Variants in PIGK observed in about 807,000 individuals in gnomAD.
PIGK encodes phosphatidylinositol glycan anchor biosynthesis class K, also known as GPI-anchor transamidase.
A neutral mutation model predicts 50.6 loss-of-function variants in PIGK; 42 were observed. That is an observed-to-expected ratio of 0.83 (90% CI 0.65 to 1.07). The LOEUF (loss-of-function observed/expected upper bound fraction) is 1.07, where lower values mean the gene tolerates loss of function less well. Among genes scored for constraint, PIGK ranks in the 50% least tolerant of loss-of-function variants. PIGK has a pLI of 0.00. For synonymous variants in PIGK, 151 were observed against 156.0 expected (o/e 0.97, Z 0.24); for missense variants, 448 against 488.7 (o/e 0.92, Z 0.78).
intron 3 of PIGK, among the ~76,000 whole-genome samples, chr1:77,201,692 G>A (rs1039407560): frequency 1.3e-5 from 2 of 152,106 alleles, no homozygotes; most frequent in Non-Finnish European, 2.9e-5. Context: ...AGTGAGCCAA[G>A]GTTGCTCCAC....
At chr1:77,204,729 G>C (rs981968412) in intron 3 of PIGK, among the ~76,000 whole-genome samples, 1 of 152,124 alleles carries the variant, frequency 6.6e-6, no homozygotes, top group Admixed American at 6.6e-5. Context: ...ATCAGGGGCT[G>C]ATTCCCCTGA....
chr1:77,163,519 T>G (rs1005497572), intron 6 of PIGK, among the ~76,000 whole-genome samples: 25 of 152,042 alleles, frequency 1.6e-4, no homozygotes, highest in Admixed American at 1.4e-3. Flanking sequence ...CTAGAAAGAA[T>G]AGGTACAAGT....
chr1:77,159,952 T>C (rs1655097853), intron 8 of PIGK, among the ~76,000 whole-genome samples: 2 of 152,042 alleles, frequency 1.3e-5, no homozygotes, highest in African/African-American at 4.8e-5. Context: ...AATACGAGAA[T>C]AGGAGCTCTG....
intron 10 of PIGK, among the ~76,000 whole-genome samples, chr1:77,117,657 T>C (rs1654010152): frequency 6.6e-6 from 1 of 152,228 alleles, no homozygotes; most frequent in African/African-American, 2.4e-5. Flanking sequence ...AAGTTAGGGC[T>C]CAGCTTTTCC....
intron 3 of PIGK, among the ~76,000 whole-genome samples, chr1:77,179,495 T>C (rs1570244997): frequency 2.0e-5 from 3 of 152,214 alleles, no homozygotes; most frequent in East Asian, 1.9e-4. Context: ...TTCACTCTTA[T>C]ACTGCTGAGT....
intron 9 of PIGK, among the ~76,000 whole-genome samples, chr1:77,126,715 C>A (rs1182019429): frequency 6.6e-6 from 1 of 152,158 alleles, no homozygotes; most frequent in Non-Finnish European, 1.5e-5. Flanking sequence ...AGTCAGGTCT[C>A]TGACAAACCA....
intron 8 of PIGK, among the ~76,000 whole-genome samples, chr1:77,158,624 C>A (rs1392807053): frequency 1.3e-5 from 2 of 152,130 alleles, no homozygotes; most frequent in African/African-American, 4.8e-5. Context: ...GGAATTGGAG[C>A]AAAGGTGATT....
At chr1:77,181,809 A>G (rs111774653) in intron 3 of PIGK, among the ~76,000 whole-genome samples, 98 of 152,326 alleles carry the variant, frequency 6.4e-4, no homozygotes, top group Non-Finnish European at 1.2e-3. Context: ...AGTCAAGCTA[A>G]TCAGCAGCTT....
chr1:77,145,584 G>C (rs967799171), intron 9 of PIGK, among the ~76,000 whole-genome samples: 1 of 151,988 alleles, frequency 6.6e-6, no homozygotes, highest in Non-Finnish European at 1.5e-5. Context: ...GGATTGTGAG[G>C]ACTCAATACT....
At chr1:77,145,812 A>T (rs970766778) in intron 9 of PIGK, among the ~76,000 whole-genome samples, 1 of 152,156 alleles carries the variant, frequency 6.6e-6, no homozygotes, top group Non-Finnish European at 1.5e-5. Context: ...TAAAACTACA[A>T]TAATCAAGAA....
chr1:77,201,903 A>T lies in PIGK; in HGVS notation c.239+4737T>A, dbSNP rs1014177974. Among the ~76,000 whole-genome samples, 4 of 152,052 alleles carry T rather than the reference A, an allele frequency of 2.6e-5. No homozygotes were observed. In the East Asian group the frequency reaches 5.8e-4, roughly 22 times the overall value. The stretch of plus-strand genomic sequence containing the variant: ...GAGACATCAACTCTACAAAAAAATT[A>T]AAAAATTAGCCAGGCATGGTGGTGC... On this transcript the variant is annotated intron_variant, in intron 3 of 10. Coordinates refer to ENST00000370812, the MANE Select transcript of PIGK (RefSeq NM_005482.3).
At chr1:77,159,370 G>A (rs1226833670) in intron 8 of PIGK, among the ~76,000 whole-genome samples, 2 of 152,198 alleles carry the variant, frequency 1.3e-5, no homozygotes, top group African/African-American at 2.4e-5. Flanking sequence ...TGCTAGGGCA[G>A]TGCAGAAGGA....
At chr1:77,214,771 CT>C (rs1656512819) in intron 1 of PIGK, among the ~76,000 whole-genome samples, 1 of 152,132 alleles carries the variant, frequency 6.6e-6, no homozygotes, top group Non-Finnish European at 1.5e-5. Flanking sequence ...CCACAAAAAA[CT>C]CTTAGAACTG....
chr1:77,151,275 A>G (rs141514589), intron 9 of PIGK, among the ~76,000 whole-genome samples: 2,732 of 152,302 alleles, frequency 0.018, 73 homozygotes, highest in African/African-American at 0.062. Context: ...GATGCTGAAA[A>G]AGCATTCAAT....
intron 5 of PIGK, among the ~76,000 whole-genome samples, chr1:77,165,593 C>A: frequency 7.1e-6 from 1 of 141,066 alleles, no homozygotes; most frequent in Non-Finnish European, 1.5e-5. Context: ...ACAAGACAGG[C>A]AACTGGTGAT....
At chr1:77,149,983 C>T (rs1415909293) in intron 9 of PIGK, among the ~76,000 whole-genome samples, 2 of 151,080 alleles carry the variant, frequency 1.3e-5, no homozygotes, top group African/African-American at 2.4e-5. Context: ...TAACATTCTC[C>T]TGAATAACAA....
chr1:77,173,862 C>T (rs1019289096), intron 3 of PIGK, among the ~76,000 whole-genome samples: 1 of 152,206 alleles, frequency 6.6e-6, no homozygotes, highest in African/African-American at 2.4e-5. Flanking sequence ...CTTGTTTTGT[C>T]CTTGGGAGCT....
intron 10 of PIGK, among the ~76,000 whole-genome samples, chr1:77,112,003 G>A (rs1160449167): frequency 6.6e-6 from 1 of 151,898 alleles, no homozygotes; most frequent in African/African-American, 2.4e-5. Context: ...TATGAATGTA[G>A]ATTAAATAAA....
At chr1:77,105,921 C>A (rs955053817) in intron 10 of PIGK, among the ~76,000 whole-genome samples, 10 of 152,078 alleles carry the variant, frequency 6.6e-5, no homozygotes, top group Non-Finnish European at 1.5e-4. Context: ...TGTCAGAAGC[C>A]ATGGAGGGCA....
Sources: allele counts gnomAD v4.1 joint callset (sites outside exome capture counted in the v4.1 genomes callset), GRCh38; gene constraint gnomAD v4.1.1; transcripts MANE v1.5; gene names NCBI Gene and HGNC (gene_info 2026-07-23, HGNC 2026-07-21).